PLS1: variants seen among roughly 807,000 people sequenced by gnomAD.
PLS1 encodes plastin-1.
Under a neutral mutation model 73.7 loss-of-function variants are expected in PLS1, and 32 were observed. That is an observed-to-expected ratio of 0.43 (90% confidence interval 0.33 to 0.58). The LOEUF (loss-of-function observed/expected upper bound fraction) is 0.58. Ranked by LOEUF, PLS1 falls within the 20% of genes least tolerant of loss-of-function variation. The pLI is 0.04. For missense variants in PLS1, 633 were observed against 740.5 expected (o/e 0.85, Z 1.68); for synonymous variants, 217 against 261.3 (o/e 0.83, Z 1.63).
At chr3:142,600,518 C>G (rs2035894952) in intron 1 of PLS1, among the ~76,000 whole-genome samples, 1 of 152,058 alleles carries the variant, frequency 6.6e-6, no homozygotes, top group Non-Finnish European at 1.5e-5. Flanking sequence ...CAATTGTGAT[C>G]AGATTCTACC....
intron 1 of PLS1, among the ~76,000 whole-genome samples, chr3:142,662,773 T>C (rs1224264611): frequency 6.6e-6 from 1 of 152,190 alleles, no homozygotes; most frequent in Non-Finnish European, 1.5e-5. Context: ...AGTTATGATA[T>C]AGTAATATGT....
chr3:142,698,779 A>C (rs563866619), intron 12 of PLS1, among the ~76,000 whole-genome samples: 1 of 152,376 alleles, frequency 6.6e-6, no homozygotes, highest in African/African-American at 2.4e-5. Flanking sequence ...GTTTGTCAAT[A>C]CATATTAATC....
At chr3:142,601,239 A>G (rs73228757) in intron 1 of PLS1, among the ~76,000 whole-genome samples, 17,256 of 151,448 alleles carry the variant, frequency 0.11, 1,199 homozygotes, top group Non-Finnish European at 0.16. Context: ...TTTTTTATAT[A>G]TATATGTTTT....
intron 13 of PLS1, among the ~76,000 whole-genome samples, chr3:142,704,222 C>T (rs1010362891): frequency 6.6e-6 from 1 of 152,008 alleles, no homozygotes; most frequent in African/African-American, 2.4e-5. Flanking sequence ...TTATTAATGC[C>T]TCTTAAAAAT....
At chr3:142,667,154 C>T (rs1284952654) in intron 2 of PLS1, among the ~76,000 whole-genome samples, 1 of 152,192 alleles carries the variant, frequency 6.6e-6, no homozygotes, top group Non-Finnish European at 1.5e-5. Context: ...CGGTGGCTCA[C>T]GCCTGTAATC....
intron 4 of PLS1, among the ~76,000 whole-genome samples, chr3:142,675,375 TTTTG>T (rs1443694843): frequency 2.1e-5 from 3 of 144,282 alleles, no homozygotes; most frequent in Non-Finnish European, 4.8e-5. Flanking sequence ...TTGTTTGTTT[TTTTG>T]TTTGTTTTTT....
chr3:142,654,490 G>A (rs919320415), intron 1 of PLS1, among the ~76,000 whole-genome samples: 8 of 152,074 alleles, frequency 5.3e-5, no homozygotes, highest in Admixed American at 3.3e-4. Context: ...GACTATAGGT[G>A]CGTACCACCA....
chr3:142,647,760 AT>A (rs2036990028), intron 1 of PLS1, among the ~76,000 whole-genome samples: 1 of 151,330 alleles, frequency 6.6e-6, no homozygotes, highest in Admixed American at 6.6e-5. Flanking sequence ...TTTTCAATTC[AT>A]TTTTTCAGCC....
At chr3:142,632,041 A>G (rs1478601539) in intron 1 of PLS1, among the ~76,000 whole-genome samples, 1 of 152,178 alleles carries the variant, frequency 6.6e-6, no homozygotes, top group Non-Finnish European at 1.5e-5. Context: ...ACCTAATTAA[A>G]AAGTGGGCAA....
rs1024667909 is a variant in PLS1, at chr3:142,690,444, G to T, written c.1177+631G>T. On this transcript the variant is annotated intron_variant, in intron 10 of 15. Coordinates refer to ENST00000457734, the MANE Select transcript of PLS1 (RefSeq NM_001145319.2). ...TTACTTTTTGCATTGTTCATGCTGT[G>T]TTATTTCTCTCTTAATATGCCCATA... 3.9e-5 allele frequency among the ~76,000 whole-genome samples: 6 copies of T among 152,048 alleles called. No individual in the cohort carries two copies. In the South Asian group the frequency reaches 8.3e-4, roughly 21 times the overall value.
intron 11 of PLS1, among the ~76,000 whole-genome samples, chr3:142,695,117 TTC>T (rs3063965): frequency 0.081 from 12,269 of 152,222 alleles, 784 homozygotes; most frequent in African/African-American, 0.17. Context: ...GAAACCATTC[TTC>T]TCTCTTTATT....
intron 2 of PLS1, among the ~76,000 whole-genome samples, chr3:142,666,282 C>T (rs2037478008): frequency 6.6e-6 from 1 of 152,160 alleles, no homozygotes; most frequent in Admixed American, 6.5e-5. Context: ...CTTTCCCAAA[C>T]TGAAACTCCA....
chr3:142,678,785 C>T (rs922091164), intron 6 of PLS1, among the ~76,000 whole-genome samples: 1 of 151,452 alleles, frequency 6.6e-6, no homozygotes, highest in Non-Finnish European at 1.5e-5. Context: ...TGGATATATA[C>T]CCAGTAATGA....
At chr3:142,664,378 C>A in intron 2 of PLS1, 71 bp downstream of exon 2, 2 of 763,366 alleles carry the variant, frequency 2.6e-6, no homozygotes, top group African/African-American at 1.8e-5. Flanking sequence ...TGGAAAAATA[C>A]CTTTTATTTC....
intron 1 of PLS1, among the ~76,000 whole-genome samples, chr3:142,658,246 G>C (rs562836567): frequency 2.0e-5 from 3 of 152,228 alleles, no homozygotes; most frequent in Non-Finnish European, 4.4e-5. Flanking sequence ...GCTGAGGCAG[G>C]CAGATCACTT....
chr3:142,626,002 A>G (rs1005426991), intron 1 of PLS1, among the ~76,000 whole-genome samples: 1 of 152,190 alleles, frequency 6.6e-6, no homozygotes, highest in Non-Finnish European at 1.5e-5. Context: ...TGAATAAATG[A>G]ATTCATGCAT....
intron 1 of PLS1, among the ~76,000 whole-genome samples, chr3:142,616,614 A>G (rs531456253): frequency 1.6e-4 from 24 of 151,888 alleles, no homozygotes; most frequent in South Asian, 1.0e-3. Flanking sequence ...TATTATTATT[A>G]TTATTATTGA....
At position 142,670,991 on chromosome 3, in the gene PLS1, A is replaced by G. The variant is rs2037593369; in HGVS notation, c.235-2A>G. 6.3e-7 allele frequency: 1 copy of G among 1,583,286 alleles called. No homozygotes were observed. The highest frequency in any genetic ancestry group is 1.7e-5 in the Admixed American group (1 of 59,042). ...CTCAATTTTACTTATGTTCCATTCC[A>G]GCTAATGCAAGAATTAAAAAGCAAA... On this transcript the variant is annotated splice_acceptor_variant, in intron 3 of 15. Transcript: ENST00000457734. LOFTEE classifies it high-confidence loss of function.
intron 9 of PLS1, 82 bp downstream of exon 9, chr3:142,686,458 C>A: frequency 1.2e-6 from 1 of 834,388 alleles, no homozygotes; most frequent in South Asian, 1.4e-5. Flanking sequence ...TTTCAGTGTT[C>A]AGTTCAGTGG....
Sources: allele counts gnomAD v4.1 joint callset (sites outside exome capture counted in the v4.1 genomes callset), GRCh38; gene constraint gnomAD v4.1.1; transcripts MANE v1.5; gene names NCBI Gene and HGNC (gene_info 2026-07-23, HGNC 2026-07-21).